The following ACVR1 variants were observed in gnomAD, a reference collection of about 807,000 sequenced individuals.
The protein encoded by ACVR1 is activin A receptor type 1.
Under a neutral mutation model 57.1 loss-of-function variants are expected in ACVR1, and 38 were observed. The observed-to-expected ratio is 0.67, with a 90% CI of 0.51 to 0.87. The LOEUF is 0.87. Among genes scored for constraint, ACVR1 ranks in the 40% least tolerant of loss-of-function variants. The probability of loss-of-function intolerance (pLI) is 0.00; values close to 1 mark genes in which losing one functional copy is unlikely to be tolerated. For missense variants in ACVR1, 463 were observed against 638.2 expected, an observed-to-expected ratio of 0.73 and a Z score of 2.96; for synonymous variants, 212 against 228.1, an observed-to-expected ratio of 0.93 and a Z score of 0.63.
intron 6 of ACVR1, among the ~76,000 whole-genome samples, chr2:157,773,227 A>G (rs1686138904): frequency 6.6e-6 from 1 of 152,206 alleles, no homozygotes; most frequent in South Asian, 2.1e-4. Flanking sequence ...CTACCACATA[A>G]AAGTAAAGCT....
At chr2:157,817,063 A>C (rs1360266874) in intron 2 of ACVR1, among the ~76,000 whole-genome samples, 1 of 152,030 alleles carries the variant, frequency 6.6e-6, no homozygotes, top group Non-Finnish European at 1.5e-5. Context: ...AGATTCAAGT[A>C]ATCCATGTGC....
chr2:157,802,402 A>T (rs1299757102), intron 2 of ACVR1, among the ~76,000 whole-genome samples: 1 of 152,120 alleles, frequency 6.6e-6, no homozygotes, highest in Admixed American at 6.6e-5. Context: ...ATACCCAAGA[A>T]GGCTAGAGAG....
rs911912321 is a variant in ACVR1 at position 157,799,422 on chromosome 2, C to T, written c.67+5G>A. On this transcript the variant is annotated splice_donor_5th_base_variant and intron_variant, in intron 3 of 10. Coordinates refer to ENST00000434821, the MANE Select transcript of ACVR1 (RefSeq NM_001111067.4). ...TCTTAACCCAAAAAGATGTGAGTCA[C>T]TTACCTTCCATACTAGGGGAGGGGA... 6.2e-7 allele frequency: 1 copy of T among 1,608,394 alleles called. No individual in the cohort carries two copies. The highest frequency in any genetic ancestry group is 2.2e-5 in the East Asian group (1 of 44,702).
chr2:157,865,072 G>GGC (rs1689865345), intron 1 of ACVR1, among the ~76,000 whole-genome samples: 1 of 130,220 alleles, frequency 7.7e-6, no homozygotes, highest in Admixed American at 8.6e-5. Context: ...AAAGCCCAGA[G>GGC]TTCTTTATAG....
chr2:157,837,712 C>T (rs1688832990), intron 1 of ACVR1, among the ~76,000 whole-genome samples: 1 of 152,048 alleles, frequency 6.6e-6, no homozygotes, highest in African/African-American at 2.4e-5. Flanking sequence ...TGTGAGTAAC[C>T]ATTAAGTTTT....
intron 3 of ACVR1, among the ~76,000 whole-genome samples, chr2:157,787,530 GA>G (rs1686756294): frequency 6.6e-6 from 1 of 152,154 alleles, no homozygotes; most frequent in South Asian, 2.1e-4. Flanking sequence ...TAATCTGGAG[GA>G]ACAGGGAAGA....
Position 157,778,325 on chromosome 2 carries a change from T to C in ACVR1, c.349A>G (p.Thr117Ala). ...LPTKGKSFPG[T>A]QNFHLEVGLI... ...CCAACCTCCAAGTGGAAATTCTGTG[T>C]TCCAGGGAAGGATTTTCCTGGAGTT... Residue 117 changes from threonine (T) to alanine (A), a missense_variant, in exon 5 of 11, where the codon ACA becomes GCA. Coordinates refer to ENST00000434821, the MANE Select transcript of ACVR1 (RefSeq NM_001111067.4). 6.2e-7 allele frequency: 1 copy of C among 1,613,972 alleles called. No individual in the cohort carries two copies. The highest frequency in any genetic ancestry group is 8.5e-7 in the Non-Finnish European group (1 of 1,179,940).
chr2:157,787,087 T>C (rs1319218565), intron 3 of ACVR1, among the ~76,000 whole-genome samples: 1 of 152,020 alleles, frequency 6.6e-6, no homozygotes, highest in African/African-American at 2.4e-5. Flanking sequence ...TCCTTGTCTC[T>C]GAAATAATCC....
intron 3 of ACVR1, among the ~76,000 whole-genome samples, chr2:157,792,494 C>T (rs1189845280): frequency 1.3e-5 from 2 of 152,164 alleles, no homozygotes; most frequent in African/African-American, 4.8e-5. Flanking sequence ...ATAAAAGGTT[C>T]TAGACCAGCT....
chr2:157,838,022 C>G (rs965427211), intron 1 of ACVR1, among the ~76,000 whole-genome samples: 4 of 152,070 alleles, frequency 2.6e-5, no homozygotes, highest in Admixed American at 1.3e-4. Context: ...GAGTTTTTAT[C>G]TCTCCATTTT....
At chr2:157,771,355 C>A (rs1686063930) in intron 6 of ACVR1, among the ~76,000 whole-genome samples, 1 of 152,242 alleles carries the variant, frequency 6.6e-6, no homozygotes, top group African/African-American at 2.4e-5. Flanking sequence ...ATGGCCCCCT[C>A]TTGCAGCAGC....
At chr2:157,771,785 T>C (rs543159211) in intron 6 of ACVR1, among the ~76,000 whole-genome samples, 13 of 152,300 alleles carry the variant, frequency 8.5e-5, no homozygotes, top group Admixed American at 6.5e-4. Context: ...CCCAAAAGGA[T>C]GTTCAATGTG....
At chr2:157,818,093 A>C (rs1688011631) in intron 2 of ACVR1, among the ~76,000 whole-genome samples, 1 of 152,144 alleles carries the variant, frequency 6.6e-6, no homozygotes, top group African/African-American at 2.4e-5. Flanking sequence ...GCAGGGAAAC[A>C]CTGGTAGTAT....
intron 2 of ACVR1, among the ~76,000 whole-genome samples, chr2:157,817,545 T>C (rs761672306): frequency 2.0e-5 from 3 of 152,140 alleles, no homozygotes; most frequent in Non-Finnish European, 2.9e-5. Context: ...GTGATAATGA[T>C]ATGTCGAAGT....
At position 157,794,994 on chromosome 2, in the gene ACVR1, T is replaced by A. The variant is rs913198865; in HGVS notation, c.67+4433A>T. Among the ~76,000 whole-genome samples, 17 of 152,008 alleles carry A rather than the reference T, an allele frequency of 1.1e-4. No individual in the cohort carries two copies. The East Asian group carries it at 1.9e-3, about 17-fold the overall frequency. On this transcript the variant is annotated intron_variant, in intron 3 of 10. Coordinates refer to ENST00000434821, the MANE Select transcript of ACVR1 (RefSeq NM_001111067.4). The stretch of plus-strand genomic sequence containing the variant: ...CAAAGGGGTAAAAGTTTTTTTTTTT[T>A]AAATAGACTAAGAAGAGTACACTAC...
chr2:157,860,756 G>GA lies in ACVR1; in HGVS notation c.-183+15039dup, dbSNP rs919828678. Among the ~76,000 whole-genome samples, 168 of 147,114 alleles carry GA rather than the reference G, an allele frequency of 1.1e-3. 1 individual carries two copies. The highest frequency in any genetic ancestry group is 3.5e-3 in the Middle Eastern group (1 of 284). On this transcript the variant is annotated intron_variant, in intron 1 of 10. Transcript: ENST00000434821. ...CTTCTTCATTATCAACTTTTTGCTA[G>GA]AAAAAAAAAAATCCAATCTCCTTTG... is the stretch of plus-strand genomic sequence containing the variant.
At chr2:157,769,504 G>A (rs549690896) in intron 7 of ACVR1, among the ~76,000 whole-genome samples, 1 of 152,294 alleles carries the variant, frequency 6.6e-6, no homozygotes, top group Admixed American at 6.5e-5. Flanking sequence ...CGGAAGCAAA[G>A]CTTTGAAGCT....
At chr2:157,747,390 A>G (rs1310995595) in intron 9 of ACVR1, among the ~76,000 whole-genome samples, 1 of 152,212 alleles carries the variant, frequency 6.6e-6, no homozygotes, top group African/African-American at 2.4e-5. Flanking sequence ...CATGTGCACA[A>G]AAATGTCTAC....
intron 3 of ACVR1, among the ~76,000 whole-genome samples, chr2:157,788,370 G>A (rs1197037316): frequency 1.3e-5 from 2 of 152,122 alleles, no homozygotes; most frequent in African/African-American, 2.4e-5. Context: ...GGAATCTCAC[G>A]TTGTCCAGCT....
Sources: allele counts gnomAD v4.1 joint callset (sites outside exome capture counted in the v4.1 genomes callset), GRCh38; gene constraint gnomAD v4.1.1; transcripts MANE v1.5; gene names NCBI Gene and HGNC (gene_info 2026-07-23, HGNC 2026-07-21).